The following SORL1-AS1 variants were observed in gnomAD, a reference collection of about 807,000 sequenced individuals.
The protein encoded by SORL1-AS1 is SORL1 antisense RNA 1.
chr11:121,452,465 AC>A lies in SORL1-AS1; in HGVS notation n.339+209del. The A allele has an allele frequency of 6.6e-7, 1 of 1,507,674 alleles. No individual in the cohort carries two copies. The highest frequency in any genetic ancestry group is 8.9e-7 in the Non-Finnish European group (1 of 1,129,186). The allele number at this position is 1,507,674 out of a possible 1,614,324, so 93.4% of individuals were successfully genotyped here. A position where few individuals can be genotyped will look rare whatever the true frequency, so the allele number is the denominator to read the frequency against. ...GGCGGCAGCGCGCCCTTGCCCCAGG[AC>A]CGGGGCTTCCTCGTGGTGCAGGGCG... On this transcript the variant is annotated intron_variant and non_coding_transcript_variant, in intron 1 of 1. Transcript: ENST00000501964. This position sits in a 1 kb window ranked among gnomAD's most constrained non-coding sequence, Gnocchi z 5.3.
downstream of SORL1-AS1, among the ~76,000 whole-genome samples, chr11:121,444,618 T>C (rs75861666): frequency 0.024 from 3,716 of 152,220 alleles, 67 homozygotes; most frequent in African/African-American, 0.04. Context: ...GATTAAATTA[T>C]GAGGTGGAAG....
the SORL1-AS1 span, among the ~76,000 whole-genome samples, chr11:121,441,826 C>G: frequency 6.6e-6 from 1 of 152,176 alleles, no homozygotes; most frequent in Non-Finnish European, 1.5e-5. Context: ...GTGGGAGAAA[C>G]ACACTTTTGT....
At chr11:121,446,299 A>G (rs146558693), downstream of SORL1-AS1, among the ~76,000 whole-genome samples, 1 of 152,360 alleles carries the variant, frequency 6.6e-6, no homozygotes, top group African/African-American at 2.4e-5. Flanking sequence ...AGAGGCCTAA[A>G]GCAAGTTTCA....
chr11:121,448,115 G>A (rs1440167324), exon 2 of SORL1-AS1: 1 of 152,158 alleles, frequency 6.6e-6, no homozygotes, highest in East Asian at 1.9e-4. Context: ...AATAATTCTC[G>A]CTTTGGCCCA....
Position 121,452,926 on chromosome 11 carries a change from G to T in SORL1-AS1, n.88C>A. On this transcript the variant is annotated non_coding_transcript_exon_variant, in exon 1 of 2. Transcript: ENST00000501964. The surrounding 1 kb of genome is among the most constrained non-coding windows in gnomAD (Gnocchi z 5.3). ...GGGGTGCAGCTTCATTTTACATCTG[G>T]ATAAAAAACGGGCTTTCTTTAGTGT... is the stretch of plus-strand genomic sequence containing the variant. The T allele has an allele frequency of 3.2e-6, 1 of 307,738 alleles. No homozygotes were observed. The highest frequency in any genetic ancestry group is 6.0e-6 in the Non-Finnish European group (1 of 167,820). The allele number at this position is 307,738 out of a possible 1,614,324, so 19.1% of individuals were successfully genotyped here.
chr11:121,446,734 GA>G (rs1860729574), downstream of SORL1-AS1, among the ~76,000 whole-genome samples: 1 of 148,768 alleles, frequency 6.7e-6, no homozygotes, highest in Non-Finnish European at 1.5e-5. Flanking sequence ...CTGGGTGACA[GA>G]AACTCTGTCT....
exon 2 of SORL1-AS1, chr11:121,449,212 C>T (rs1354987699): frequency 6.6e-6 from 1 of 152,206 alleles, no homozygotes; most frequent in Non-Finnish European, 1.5e-5. Flanking sequence ...TCTATCATTA[C>T]ATTTCCGTGC....
At chr11:121,449,000 TTTGGGGAGTTTTTTCCTC>T (rs1181071464) in exon 2 of SORL1-AS1, 1 of 152,134 alleles carries the variant, frequency 6.6e-6, no homozygotes, top group African/African-American at 2.4e-5. Context: ...CAAATTAGGC[TTTGGGGAGTTTTTTCCTC>T]TTCGTGGCTG....
In SORL1-AS1 at chr11:121,450,035, C is replaced by T. The variant is rs1263318179; in HGVS notation, n.340-136G>A. 1 of 152,188 alleles carries T rather than the reference C, an allele frequency of 6.6e-6. No homozygotes were observed. The highest frequency in any genetic ancestry group is 1.5e-5 in the Non-Finnish European group (1 of 68,034). 9.4% of individuals were successfully genotyped at this position (152,188 alleles called of 1,614,324 possible). On this transcript the variant is annotated intron_variant and non_coding_transcript_variant, in intron 1 of 1. Transcript: ENST00000501964. This position sits in a 1 kb window ranked among gnomAD's most constrained non-coding sequence, Gnocchi z 5.2. ...ACATCAAAATGAGCAAGTAGCTGGCCCTGCCCTACTAGTCCTTCTGTGCAA... is the reference window on the plus strand; with the variant it reads ...ACATCAAAATGAGCAAGTAGCTGGCTCTGCCCTACTAGTCCTTCTGTGCAA...
At chr11:121,448,456 G>C (rs1165222744) in exon 2 of SORL1-AS1, 1 of 152,194 alleles carries the variant, frequency 6.6e-6, no homozygotes, top group Non-Finnish European at 1.5e-5. Flanking sequence ...AAGTAACATG[G>C]AAGAGGGAAC....
downstream of SORL1-AS1, among the ~76,000 whole-genome samples, chr11:121,446,707 C>T (rs1166060271): frequency 2.0e-5 from 3 of 150,040 alleles, no homozygotes; most frequent in Admixed American, 6.7e-5. Flanking sequence ...GCTGAGATTG[C>T]ACTACTGCAC....
chr11:121,441,376 A>G, the SORL1-AS1 span, among the ~76,000 whole-genome samples: 1 of 151,090 alleles, frequency 6.6e-6, no homozygotes, highest in African/African-American at 2.4e-5. Flanking sequence ...ACAAAAAAAA[A>G]AAAAATTAGC....
At chr11:121,439,013 G>A in the SORL1-AS1 span, among the ~76,000 whole-genome samples, 1 of 152,194 alleles carries the variant, frequency 6.6e-6, no homozygotes, top group African/African-American at 2.4e-5. Context: ...GCGGCAGAGC[G>A]AGACTCTGTT....
At chr11:121,444,922 A>C (rs746202782), downstream of SORL1-AS1, among the ~76,000 whole-genome samples, 3 of 152,210 alleles carry the variant, frequency 2.0e-5, no homozygotes. Flanking sequence ...GCTTCTGTTG[A>C]AATAACCATT....
the SORL1-AS1 span, among the ~76,000 whole-genome samples, chr11:121,441,465 A>C: frequency 7.0e-6 from 1 of 143,772 alleles, no homozygotes; most frequent in Non-Finnish European, 1.5e-5. Context: ...TGGGATGCGG[A>C]GCTTGCAGTG....
At chr11:121,442,734 A>G (rs1466017212), downstream of SORL1-AS1, among the ~76,000 whole-genome samples, 1 of 148,100 alleles carries the variant, frequency 6.8e-6, no homozygotes, top group East Asian at 2.0e-4. Flanking sequence ...GCTGGAGTGC[A>G]GTGGCGTGAT....
At chr11:121,445,971 G>C (rs976673525), downstream of SORL1-AS1, among the ~76,000 whole-genome samples, 1 of 152,104 alleles carries the variant, frequency 6.6e-6, no homozygotes, top group Non-Finnish European at 1.5e-5. Context: ...TGGCTGCCCT[G>C]GTGCTGACAG....
chr11:121,440,451 G>A, the SORL1-AS1 span, among the ~76,000 whole-genome samples: 7 of 152,196 alleles, frequency 4.6e-5, no homozygotes, highest in Non-Finnish European at 1.0e-4. Context: ...AACTAAAGAA[G>A]ATGGGAAAGC....
downstream of SORL1-AS1, among the ~76,000 whole-genome samples, chr11:121,443,698 C>T (rs78188342): frequency 1.2e-3 from 185 of 152,308 alleles, no homozygotes; most frequent in African/African-American, 4.2e-3. Context: ...TTTCAGGGAG[C>T]TGCGCTGAGA....
Sources: gnomAD v4.1 joint callset for allele counts (sites outside exome capture counted in the v4.1 genomes callset) on GRCh38, gnomAD v4.1.1 for gene constraint, Gnocchi (gnomAD v3.1) non-coding constraint, MANE v1.5 for transcripts, NCBI Gene and HGNC (gene_info 2026-07-23, HGNC 2026-07-21) for gene names.